PADI2: variants seen among roughly 807,000 people sequenced by gnomAD.
PADI2 encodes the protein peptidyl arginine deiminase 2.
Under a neutral mutation model 81.1 loss-of-function variants are expected in PADI2, and 70 were observed. The ratio of observed to expected loss-of-function variants is 0.86; its 90% confidence interval spans 0.71 to 1.05. PADI2 has a LOEUF of 1.05. PADI2 is among the 50% of genes least tolerant of loss of function. PADI2 has a pLI of 0.00. For missense variants in PADI2, 853 were observed against 889.9 expected, an observed-to-expected ratio of 0.96 and a Z score of 0.53; for synonymous variants, 338 against 358.0, an observed-to-expected ratio of 0.94 and a Z score of 0.63.
intron 5 of PADI2, among the ~76,000 whole-genome samples, chr1:17,092,963 A>AG (rs1412081738): frequency 6.6e-6 from 1 of 151,056 alleles, no homozygotes; most frequent in Non-Finnish European, 1.5e-5. Context: ...AAAAAAAAAA[A>AG]GAAAAAAAAA....
At chr1:17,113,468 A>G (rs2746495) in intron 1 of PADI2, among the ~76,000 whole-genome samples, 149,677 of 152,258 alleles carry the variant, frequency 0.98, 73,583 homozygotes, top group East Asian at 1. Context: ...CCCGCTTCAA[A>G]TCTCAGGGAC....
At position 17,074,898 on chromosome 1, in the gene PADI2, C is replaced by T. The variant is rs1221091235; in HGVS notation, c.1507G>A (p.Glu503Lys). 1.9e-6 allele frequency: 3 copies of T among 1,613,438 alleles called. No homozygotes were observed. The highest frequency in any genetic ancestry group is 1.3e-5 in the African/African-American group (1 of 75,056). ...TCTCCATGGCCGTCCTTCTGCTTCT[C>T]TCGGAAGAGCTTGTAGCAGGCCGAG... ...STSACYKLFR[E>K]KQKDGHGEAI... The change falls in exon 13 of 16, where the codon GAG becomes AAG. Residue 503 changes from glutamate to lysine, a missense_variant. By Grantham distance (56) the Glu-to-Lys change is moderately conservative. Coordinates refer to ENST00000375486, the MANE Select transcript of PADI2 (RefSeq NM_007365.3).
intron 10 of PADI2, 55 bp from the exon 11 acceptor site, chr1:17,079,470 C>G: frequency 6.9e-7 from 1 of 1,453,990 alleles, no homozygotes; most frequent in Admixed American, 1.9e-5. Context: ...TCCTCAGCCC[C>G]CAAGCCAGCC....
intron 4 of PADI2, among the ~76,000 whole-genome samples, chr1:17,094,343 A>G (rs1258383006): frequency 1.3e-5 from 2 of 151,996 alleles, no homozygotes; most frequent in African/African-American, 4.8e-5. Context: ...TCTGCTCCCA[A>G]AAGACTCAAG....
intron 10 of PADI2, among the ~76,000 whole-genome samples, chr1:17,080,456 G>A (rs2647194): frequency 0.56 from 84,511 of 152,052 alleles, 23,704 homozygotes; most frequent in Non-Finnish European, 0.59. Flanking sequence ...AGTAAGGAAG[G>A]CATAAAGAAG....
rs115643195 is a variant in PADI2, at chr1:17,084,872, C to T, written c.835-170G>A. Among the ~76,000 whole-genome samples, 634 of 152,350 alleles carry T rather than the reference C, an allele frequency of 4.2e-3. 4 individuals are homozygous for T. The highest frequency in any genetic ancestry group is 0.014 in the African/African-American group (586 of 41,572). Reference sequence around the variant, plus strand: ...CATGTGCCAATTCTTTTCTGCCTTCCGACCACCGCAGGAGGTAGATACTGC... The same window carrying T: ...CATGTGCCAATTCTTTTCTGCCTTCTGACCACCGCAGGAGGTAGATACTGC... On this transcript the variant is annotated intron_variant, in intron 7 of 15. Transcript: ENST00000375486.
chr1:17,072,903 T>C (rs2101571304), intron 13 of PADI2, among the ~76,000 whole-genome samples: 1 of 152,258 alleles, frequency 6.6e-6, no homozygotes. Context: ...AAGTCAGGAC[T>C]CAAGCTTGCC....
At chr1:17,097,996 C>G (rs1381023144) in intron 3 of PADI2, among the ~76,000 whole-genome samples, 2 of 152,174 alleles carry the variant, frequency 1.3e-5, no homozygotes, top group African/African-American at 2.4e-5. Context: ...CAGCGTTTTC[C>G]AAGGTGTGTT....
chr1:17,081,414 G>A (rs138339328), intron 10 of PADI2, among the ~76,000 whole-genome samples: 2 of 152,314 alleles, frequency 1.3e-5, no homozygotes, highest in African/African-American at 4.8e-5. Flanking sequence ...CTGCTAAGAG[G>A]TGCAATTAGG....
At chr1:17,101,267 T>C (rs1391137943) in intron 3 of PADI2, among the ~76,000 whole-genome samples, 2 of 152,232 alleles carry the variant, frequency 1.3e-5, no homozygotes, top group African/African-American at 2.4e-5. Flanking sequence ...TGCCTCCTTA[T>C]AGACGCTTAT....
At chr1:17,084,568 G>A (rs937232431) in intron 8 of PADI2, 31 bp downstream of exon 8, 11 of 1,436,864 alleles carry the variant, frequency 7.7e-6, no homozygotes, top group South Asian at 3.7e-5. Flanking sequence ...ACTCTGCCAC[G>A]CTGCCTCTCC....
At position 17,070,337 on chromosome 1, in the gene PADI2, G is replaced by A. The variant is rs1459410321; in HGVS notation, c.1636-121C>T. ...CCCCGGCACTCCAGAGAGACTTCTAGCAGTCAGCGGGCGCCTCTGCAGCCT... is the reference window on the plus strand; with the variant it reads ...CCCCGGCACTCCAGAGAGACTTCTAACAGTCAGCGGGCGCCTCTGCAGCCT... On this transcript the variant is annotated intron_variant, in intron 14 of 15. Coordinates refer to ENST00000375486, the MANE Select transcript of PADI2 (RefSeq NM_007365.3). The A allele has an allele frequency of 2.3e-6, 3 of 1,280,092 alleles. No homozygotes were observed. In the Admixed American group the frequency reaches 6.0e-5, roughly 26 times the overall value. 79.3% of individuals were successfully genotyped at this position (1,280,092 alleles called of 1,614,324 possible). A position where few individuals can be genotyped will look rare whatever the true frequency, so the allele number is the denominator to read the frequency against.
At chr1:17,107,018 T>C (rs2101608185) in intron 1 of PADI2, among the ~76,000 whole-genome samples, 1 of 152,220 alleles carries the variant, frequency 6.6e-6, no homozygotes, top group South Asian at 2.1e-4. Flanking sequence ...GTTTTGTTGT[T>C]GGCTTAAGGA....
chr1:17,086,137 A>G (rs985640099), intron 7 of PADI2, among the ~76,000 whole-genome samples: 1 of 152,166 alleles, frequency 6.6e-6, no homozygotes, highest in Non-Finnish European at 1.5e-5. Flanking sequence ...TGGGGCAGGA[A>G]GTACAGAGCG....
chr1:17,118,617 A>C (rs982000970), intron 1 of PADI2, among the ~76,000 whole-genome samples: 7 of 152,086 alleles, frequency 4.6e-5, no homozygotes, highest in Non-Finnish European at 8.8e-5. Context: ...GTACCCCGCT[A>C]TACACCCCAA....
chr1:17,068,954 G>A lies in PADI2; in HGVS notation c.*90C>T. The A allele has an allele frequency of 9.7e-7, 1 of 1,032,004 alleles. No individual in the cohort carries two copies. Among genetic ancestry groups the A allele is most frequent in the Non-Finnish European group, 1.5e-6 (1 of 656,938 alleles). 63.9% of individuals were successfully genotyped at this position (1,032,004 alleles called of 1,614,324 possible). A position where few individuals can be genotyped will look rare whatever the true frequency, so the allele number is the denominator to read the frequency against. ...GTCCCAAAGGTCTCCCAGCGGGGCT[G>A]TCCAGTCCATGTCAGCAGAAGGCTC... On this transcript the variant is annotated 3_prime_UTR_variant, in exon 16 of 16. Transcript: ENST00000375486.
intron 9 of PADI2, 31 bp from the exon 10 acceptor site, chr1:17,082,683 G>A (rs1257725001): frequency 2.3e-5 from 30 of 1,310,514 alleles, no homozygotes; most frequent in Non-Finnish European, 3.1e-5. Context: ...ACTGTTAGAC[G>A]AATCCAGGGG....
chr1:17,117,285 T>G (rs1164671060), intron 1 of PADI2, among the ~76,000 whole-genome samples: 1 of 152,228 alleles, frequency 6.6e-6, no homozygotes, highest in Non-Finnish European at 1.5e-5. Flanking sequence ...AACCATTTCC[T>G]TAATAATTTT....
intron 13 of PADI2, among the ~76,000 whole-genome samples, chr1:17,073,030 G>A (rs2078275047): frequency 6.6e-6 from 1 of 152,154 alleles, no homozygotes; most frequent in Non-Finnish European, 1.5e-5. Flanking sequence ...GATCTGAGGG[G>A]CAGTCATGTA....
Sources: allele counts gnomAD v4.1 joint callset (sites outside exome capture counted in the v4.1 genomes callset), GRCh38; gene constraint gnomAD v4.1.1; transcripts MANE v1.5; gene names NCBI Gene and HGNC (gene_info 2026-07-23, HGNC 2026-07-21).